The following ITGBL1 variants were observed in gnomAD, a reference collection of about 807,000 sequenced individuals.
ITGBL1 encodes integrin subunit beta like 1.
ITGBL1 carries 51 observed loss-of-function variants against 68.5 expected under a neutral mutation model. The observed-to-expected ratio is 0.74, with a 90% CI of 0.59 to 0.94. ITGBL1 has a LOEUF of 0.94. Among genes scored for constraint, ITGBL1 ranks in the 40% least tolerant of loss-of-function variants. The pLI, the probability that ITGBL1 is intolerant of heterozygous loss-of-function variation, is 0.00. For missense variants in ITGBL1, 649 were observed against 647.4 expected, an observed-to-expected ratio of 1.00 and a Z score of -0.03; for synonymous variants, 209 against 227.3, an observed-to-expected ratio of 0.92 and a Z score of 0.72.
chr13:101,600,596 T>C (rs1594918651), intron 7 of ITGBL1, among the ~76,000 whole-genome samples: 1 of 152,166 alleles, frequency 6.6e-6, no homozygotes, highest in East Asian at 1.9e-4. Flanking sequence ...GCTCTTATTA[T>C]TTTGAGATAC....
intron 7 of ITGBL1, among the ~76,000 whole-genome samples, chr13:101,675,829 A>G (rs932695350): frequency 1.3e-5 from 2 of 152,118 alleles, no homozygotes; most frequent in African/African-American, 2.4e-5. Flanking sequence ...AGTCCAATGT[A>G]TCTCTTATGC....
At chr13:101,659,661 C>G (rs775740582) in intron 7 of ITGBL1, among the ~76,000 whole-genome samples, 1 of 152,132 alleles carries the variant, frequency 6.6e-6, no homozygotes, top group South Asian at 2.1e-4. Flanking sequence ...TGGGGTTTCA[C>G]CGTGTTAGCC....
intron 2 of ITGBL1, among the ~76,000 whole-genome samples, chr13:101,471,068 A>T (rs2048450188): frequency 6.6e-6 from 1 of 152,208 alleles, no homozygotes; most frequent in South Asian, 2.1e-4. Flanking sequence ...ATGCCCCAAG[A>T]AGTATTAAAT....
intron 2 of ITGBL1, among the ~76,000 whole-genome samples, chr13:101,471,335 A>G (rs1336459838): frequency 6.6e-6 from 1 of 152,178 alleles, no homozygotes; most frequent in Non-Finnish European, 1.5e-5. Flanking sequence ...TGTTATCAGT[A>G]TTATCAGGCC....
At chr13:101,676,925 G>A (rs2033518514) in intron 7 of ITGBL1, among the ~76,000 whole-genome samples, 1 of 152,096 alleles carries the variant, frequency 6.6e-6, no homozygotes, top group Non-Finnish European at 1.5e-5. Context: ...TGGATCAGTC[G>A]AGGCCAGGAG....
At chr13:101,499,076 T>C (rs7983201) in intron 2 of ITGBL1, among the ~76,000 whole-genome samples, 135,724 of 152,162 alleles carry the variant, frequency 0.89, 60,807 homozygotes, top group East Asian at 1. Context: ...TACAACTGAA[T>C]GTGACATTTG....
chr13:101,643,344 C>G (rs971315878), intron 7 of ITGBL1, among the ~76,000 whole-genome samples: 10 of 151,120 alleles, frequency 6.6e-5, no homozygotes, highest in South Asian at 2.1e-4. Flanking sequence ...TGGGAGTTCA[C>G]TCATGATTTG....
At chr13:101,718,236 TTGTG>T (rs1294767283), downstream of ITGBL1, 1 of 152,050 alleles carries the variant, frequency 6.6e-6, no homozygotes, top group East Asian at 1.9e-4. Context: ...ATGTGTGTGT[TTGTG>T]TGTGTATGTG....
At chr13:101,471,594 T>A (rs2048462013) in intron 2 of ITGBL1, among the ~76,000 whole-genome samples, 1 of 151,556 alleles carries the variant, frequency 6.6e-6, no homozygotes, top group Admixed American at 6.6e-5. Context: ...CTCTTGGGTG[T>A]GCAAATGAGC....
intron 2 of ITGBL1, among the ~76,000 whole-genome samples, chr13:101,455,962 G>A (rs2048238128): frequency 6.6e-6 from 1 of 152,164 alleles, no homozygotes; most frequent in Non-Finnish European, 1.5e-5. Flanking sequence ...AGTGTCGTCA[G>A]ATTCACTTTC....
At chr13:101,624,342 A>C (rs1314873733) in intron 7 of ITGBL1, among the ~76,000 whole-genome samples, 1 of 152,196 alleles carries the variant, frequency 6.6e-6, no homozygotes, top group African/African-American at 2.4e-5. Flanking sequence ...TCCTCTCCAG[A>C]TAAACATTTA....
chr13:101,688,744 A>G (rs1013798967), intron 7 of ITGBL1, among the ~76,000 whole-genome samples: 1 of 152,216 alleles, frequency 6.6e-6, no homozygotes, highest in Non-Finnish European at 1.5e-5. Context: ...GGAAAACACA[A>G]ATGAAGGTAT....
At chr13:101,573,024 G>T (rs186091162) in intron 3 of ITGBL1, among the ~76,000 whole-genome samples, 1 of 152,004 alleles carries the variant, frequency 6.6e-6, no homozygotes, top group Admixed American at 6.6e-5. Context: ...TATTAATAGG[G>T]TATCTCTTCC....
intron 7 of ITGBL1, among the ~76,000 whole-genome samples, chr13:101,688,137 C>A (rs188779129): frequency 1.2e-3 from 181 of 152,228 alleles, no homozygotes; most frequent in Non-Finnish European, 2.1e-3. Flanking sequence ...TGTATGTCAG[C>A]ATCCTTCTAC....
intron 6 of ITGBL1, among the ~76,000 whole-genome samples, chr13:101,593,964 C>T (rs1426181159): frequency 1.3e-5 from 2 of 152,026 alleles, no homozygotes; most frequent in African/African-American, 4.8e-5. Context: ...ATGTGAAATA[C>T]CCTAATTTGA....
intron 9 of ITGBL1, chr13:101,713,126 G>A (rs1054001902): frequency 6.6e-6 from 1 of 152,162 alleles, no homozygotes; most frequent in Admixed American, 6.5e-5. Flanking sequence ...TCAAGAAATG[G>A]CAAACATTTA....
At chr13:101,554,569 C>A (rs768433243) in intron 2 of ITGBL1, among the ~76,000 whole-genome samples, 5 of 152,214 alleles carry the variant, frequency 3.3e-5, no homozygotes, top group Non-Finnish European at 5.9e-5. Flanking sequence ...ATGAGCCATG[C>A]TGCGTCTGTG....
chr13:101,641,441 A>G (rs2032363829), intron 7 of ITGBL1, among the ~76,000 whole-genome samples: 1 of 151,440 alleles, frequency 6.6e-6, no homozygotes, highest in Admixed American at 6.6e-5. Context: ...TGATTTTTTG[A>G]TTGTCTATTT....
chr13:101,508,158 T>G (rs982170540), intron 2 of ITGBL1, among the ~76,000 whole-genome samples: 1 of 152,208 alleles, frequency 6.6e-6, no homozygotes, highest in African/African-American at 2.4e-5. Flanking sequence ...TATTTATTTA[T>G]GTCTCTTGGC....
Sources: gnomAD v4.1 joint callset for allele counts (sites outside exome capture counted in the v4.1 genomes callset) on GRCh38, gnomAD v4.1.1 for gene constraint, MANE v1.5 for transcripts, NCBI Gene and HGNC (gene_info 2026-07-23, HGNC 2026-07-21) for gene names.